Variants in B3GNT2 observed in about 807,000 individuals in gnomAD.
B3GNT2 encodes UDP-GlcNAc:betaGal beta-1,3-N-acetylglucosaminyltransferase 2, also known as N-acetyllactosaminide beta-1,3-N-acetylglucosaminyltransferase 2.
In B3GNT2, 12 loss-of-function variants were observed where a neutral mutation model predicts 27.6. The ratio of observed to expected loss-of-function variants is 0.44; its 90% confidence interval spans 0.28 to 0.71. B3GNT2 has a LOEUF of 0.71. Among genes scored for constraint, B3GNT2 ranks in the 30% least tolerant of loss-of-function variants. The pLI is 0.17. For missense variants in B3GNT2, 413 were observed against 488.5 expected (o/e 0.85, Z 1.46); for synonymous variants, 192 against 189.7 (o/e 1.01, Z -0.10).
chr2:62,198,305 G>A (rs1341638136), intron 1 of B3GNT2, among the ~76,000 whole-genome samples: 1 of 152,176 alleles, frequency 6.6e-6, no homozygotes, highest in African/African-American at 2.4e-5. Context: ...TACACATCTG[G>A]TTTTGGGGAT....
chr2:62,216,680 A>G (rs1349922795), intron 1 of B3GNT2, among the ~76,000 whole-genome samples: 1 of 152,180 alleles, frequency 6.6e-6, no homozygotes, highest in Admixed American at 6.5e-5. Flanking sequence ...TTGGGGTTAC[A>G]GGCGTGAGCC....
At chr2:62,208,400 C>A (rs1417655974) in intron 1 of B3GNT2, among the ~76,000 whole-genome samples, 1 of 152,110 alleles carries the variant, frequency 6.6e-6, no homozygotes, top group Non-Finnish European at 1.5e-5. Flanking sequence ...TTTTAATTGC[C>A]TTCTTTCTCA....
chr2:62,204,617 T>C (rs1445178795), intron 1 of B3GNT2, among the ~76,000 whole-genome samples: 1 of 152,262 alleles, frequency 6.6e-6, no homozygotes, highest in Non-Finnish European at 1.5e-5. Context: ...GAAGCTTGTT[T>C]ATAAGGAACT....
At chr2:62,206,678 C>T (rs1300577833) in intron 1 of B3GNT2, among the ~76,000 whole-genome samples, 1 of 152,236 alleles carries the variant, frequency 6.6e-6, no homozygotes, top group Admixed American at 6.5e-5. Context: ...GTGTAAGCCA[C>T]TGTGCCTGGC....
intron 1 of B3GNT2, among the ~76,000 whole-genome samples, chr2:62,213,831 G>T (rs1047408802): frequency 6.6e-6 from 1 of 152,144 alleles, no homozygotes; most frequent in Admixed American, 6.5e-5. Flanking sequence ...AGGAGAAAGG[G>T]TGTATATATA....
chr2:62,210,234 T>A (rs956423818), intron 1 of B3GNT2, among the ~76,000 whole-genome samples: 18 of 152,200 alleles, frequency 1.2e-4, no homozygotes, highest in Non-Finnish European at 1.9e-4. Flanking sequence ...GTAGAAAGTA[T>A]AAGAGCTTAG....
intron 1 of B3GNT2, among the ~76,000 whole-genome samples, chr2:62,220,763 C>T (rs1674676350): frequency 6.6e-6 from 1 of 152,148 alleles, no homozygotes; most frequent in South Asian, 2.1e-4. Context: ...ATCTTCAGCT[C>T]TTTATAGAAC....
In B3GNT2 at chr2:62,222,733, A is replaced by G; in HGVS notation, c.513A>G (p.Ala171=). The G allele has an allele frequency of 6.2e-7, 1 of 1,614,256 alleles. No individual in the cohort carries two copies. Among genetic ancestry groups the G allele is most frequent in the Non-Finnish European group, 8.5e-7 (1 of 1,180,040 alleles). Residue 171 remains alanine (A), a synonymous_variant, in exon 2 of 2, where the codon GCA becomes GCG. Coordinates refer to ENST00000301998, the MANE Select transcript of B3GNT2 (RefSeq NM_006577.6). The surrounding 1 kb of genome is among the most constrained non-coding windows in gnomAD (Gnocchi z 4.2). ...AATCCTGGGGCCAAGAAAGCAACGC[A>G]GGGAACCAAACGGTGGTGCGAGTCT... ...IRESWGQESN[A]GNQTVVRVFL...
intron 1 of B3GNT2, among the ~76,000 whole-genome samples, chr2:62,206,642 C>T (rs961517154): frequency 4.6e-5 from 7 of 152,210 alleles, no homozygotes; most frequent in African/African-American, 1.7e-4. Flanking sequence ...CTCTCACTTC[C>T]ACCTCCCAAA....
At chr2:62,211,340 A>T (rs564816860) in intron 1 of B3GNT2, among the ~76,000 whole-genome samples, 2 of 152,242 alleles carry the variant, frequency 1.3e-5, no homozygotes, top group South Asian at 4.1e-4. Context: ...TGGGTGACAG[A>T]GTAAGACCCT....
chr2:62,212,018 T>G lies in B3GNT2; in HGVS notation c.-9-10194T>G, dbSNP rs1054841682. Among the ~76,000 whole-genome samples, 7 of 152,222 alleles carry G rather than the reference T, an allele frequency of 4.6e-5. No homozygotes were observed. In the South Asian group the frequency reaches 8.3e-4, roughly 18 times the overall value. On this transcript the variant is annotated intron_variant, in intron 1 of 1. Coordinates refer to ENST00000301998, the MANE Select transcript of B3GNT2 (RefSeq NM_006577.6). The stretch of plus-strand genomic sequence containing the variant: ...GTTGTTAGAAATGACTCTGGGTTGG[T>G]GATGTAGAGATCTATAACTTGTGCC...
intron 1 of B3GNT2, among the ~76,000 whole-genome samples, chr2:62,217,587 T>G (rs1674600862): frequency 2.6e-5 from 4 of 152,164 alleles, no homozygotes; most frequent in Admixed American, 2.6e-4. Flanking sequence ...TGCAGCACTG[T>G]AGGGGTCGAA....
At chr2:62,213,993 T>A (rs1674526608) in intron 1 of B3GNT2, among the ~76,000 whole-genome samples, 1 of 152,060 alleles carries the variant, frequency 6.6e-6, no homozygotes, top group Non-Finnish European at 1.5e-5. Context: ...TGCGGAGGGT[T>A]CCCAGGCAGA....
intron 1 of B3GNT2, among the ~76,000 whole-genome samples, chr2:62,199,172 C>G (rs956550755): frequency 1.3e-5 from 2 of 152,214 alleles, no homozygotes; most frequent in Admixed American, 6.5e-5. Flanking sequence ...AACTCCTGAC[C>G]TGGTGATCCA....
intron 1 of B3GNT2, among the ~76,000 whole-genome samples, chr2:62,214,199 G>A (rs1462248305): frequency 6.6e-6 from 1 of 152,198 alleles, no homozygotes; most frequent in Non-Finnish European, 1.5e-5. Context: ...GGGAACAGTA[G>A]CATATTGGTG....
intron 1 of B3GNT2, among the ~76,000 whole-genome samples, chr2:62,207,673 A>G (rs1205373000): frequency 1.3e-5 from 2 of 152,172 alleles, no homozygotes; most frequent in African/African-American, 4.8e-5. Context: ...AGATCCTTGC[A>G]TGCGCAGTTC....
chr2:62,222,143 T>C lies in B3GNT2; in HGVS notation c.-9-69T>C, dbSNP rs1049543414. On this transcript the variant is annotated intron_variant, in intron 1 of 1. Coordinates refer to ENST00000301998, the MANE Select transcript of B3GNT2 (RefSeq NM_006577.6). The surrounding 1 kb of genome is among the most constrained non-coding windows in gnomAD (Gnocchi z 4.2). ...AAACCACTATTCCTGGGGAGACAGG[T>C]AAAATAAATTGTATGTGCAAATGCA... The C allele has an allele frequency of 7.4e-7, 1 of 1,346,486 alleles. No individual in the cohort carries two copies. Among genetic ancestry groups the C allele is most frequent in the African/African-American group, 1.5e-5 (1 of 67,924 alleles). The allele number at this position is 1,346,486 out of a possible 1,614,324, so 83.4% of individuals were successfully genotyped here.
At chr2:62,203,001 CATAAAG>C (rs934526651) in intron 1 of B3GNT2, among the ~76,000 whole-genome samples, 1 of 152,176 alleles carries the variant, frequency 6.6e-6, no homozygotes, top group African/African-American at 2.4e-5. Flanking sequence ...GATCACCCGG[CATAAAG>C]CAGCCTTTCC....
intron 1 of B3GNT2, among the ~76,000 whole-genome samples, chr2:62,209,147 A>G (rs1044638738): frequency 6.6e-6 from 1 of 152,090 alleles, no homozygotes; most frequent in Non-Finnish European, 1.5e-5. Flanking sequence ...ATACCCGGCT[A>G]ATTTCGGGCC....
Sources: allele counts gnomAD v4.1 joint callset (sites outside exome capture counted in the v4.1 genomes callset), GRCh38; gene constraint gnomAD v4.1.1; non-coding constraint Gnocchi (gnomAD v3.1); transcripts MANE v1.5; gene names NCBI Gene and HGNC (gene_info 2026-07-23, HGNC 2026-07-21).